The following TNFAIP6 variants were observed in gnomAD, a reference collection of about 807,000 sequenced individuals.
The protein encoded by TNFAIP6 is TNF alpha induced protein 6.
In TNFAIP6, 36 loss-of-function variants were observed where a neutral mutation model predicts 33.7. The ratio of observed to expected loss-of-function variants is 1.07; its 90% confidence interval spans 0.82 to 1.41. The LOEUF (loss-of-function observed/expected upper bound fraction) is 1.41. Ranked by LOEUF, TNFAIP6 falls within the 40% of genes most tolerant of loss-of-function variation. The pLI is 0.00. For missense variants in TNFAIP6, 273 were observed against 331.9 expected (o/e 0.82, Z 1.38); for synonymous variants, 113 against 112.8 (o/e 1.00, Z -0.01).
chr2:151,370,374 A>G (rs1684796006), intron 4 of TNFAIP6, 126 bp downstream of exon 4: 2 of 711,782 alleles, frequency 2.8e-6, no homozygotes, highest in Admixed American at 2.8e-5. Flanking sequence ...CTAAAGCACC[A>G]TATCATTTTT....
intron 1 of TNFAIP6, among the ~76,000 whole-genome samples, chr2:151,359,121 T>C (rs1416279503): frequency 6.6e-6 from 1 of 152,188 alleles, no homozygotes; most frequent in African/African-American, 2.4e-5. Flanking sequence ...CGTCTATTAA[T>C]GTATGCTACA....
chr2:151,379,462 C>A lies in TNFAIP6; in HGVS notation c.763C>A (p.Gln255Lys). 2 of 1,594,468 alleles carry A rather than the reference C, an allele frequency of 1.3e-6. No individual in the cohort carries two copies. Among genetic ancestry groups the A allele is most frequent in the Non-Finnish European group, 8.5e-7 (1 of 1,172,396 alleles). Reference sequence around the variant, plus strand: ...AATGGATCCTGTATCCAAATCCAGTCAAGGAAAAAATACAAGTACTACTTC... The same window carrying A: ...AATGGATCCTGTATCCAAATCCAGTAAAGGAAAAAATACAAGTACTACTTC... ...VAMDPVSKSS[Q>K]GKNTSTTSTG... Residue 255 changes from glutamine (Q) to lysine (K), a missense_variant, in exon 6 of 6, where the codon CAA (glutamine) becomes AAA (lysine). By Grantham distance (53) the Gln-to-Lys change is moderately conservative. Transcript: ENST00000243347.
chr2:151,378,956 C>T (rs1684967942), intron 5 of TNFAIP6, among the ~76,000 whole-genome samples: 1 of 151,816 alleles, frequency 6.6e-6, no homozygotes, highest in South Asian at 2.1e-4. Context: ...AAAAATCTGC[C>T]AGGTGTGGTG....
rs559960101 is a variant in TNFAIP6 at position 151,366,946 on chromosome 2, T to C, written c.394+729T>C. ...ACGTTCTTGGAGAAAAAGTAGGCTG[T>C]TCTTTTTGGGTATATTTCCACCAGG... On this transcript the variant is annotated intron_variant, in intron 3 of 5. Transcript: ENST00000243347. Among the ~76,000 whole-genome samples the C allele has an allele frequency of 2.0e-4, 31 of 152,272 alleles. 1 individual carries two copies. In the East Asian group the frequency reaches 6.0e-3, roughly 29 times the overall value.
At chr2:151,359,411 C>G (rs1446788708) in intron 1 of TNFAIP6, among the ~76,000 whole-genome samples, 1 of 119,074 alleles carries the variant, frequency 8.4e-6, no homozygotes, top group African/African-American at 3.3e-5. Flanking sequence ...TTTTTTGAGG[C>G]AGAGTCTCGC....
chr2:151,362,742 G>A (rs949977973), intron 1 of TNFAIP6, among the ~76,000 whole-genome samples: 4 of 151,820 alleles, frequency 2.6e-5, no homozygotes, highest in East Asian at 1.9e-4. Flanking sequence ...CGCCCGCCTC[G>A]GCCTCCCGAA....
chr2:151,360,514 A>G (rs772544277), intron 1 of TNFAIP6, among the ~76,000 whole-genome samples: 1 of 152,256 alleles, frequency 6.6e-6, no homozygotes, highest in African/African-American at 2.4e-5. Context: ...GTTTTAATAA[A>G]TGACTATTGA....
At chr2:151,361,753 G>C (rs1038890474) in intron 1 of TNFAIP6, among the ~76,000 whole-genome samples, 8 of 152,166 alleles carry the variant, frequency 5.3e-5, no homozygotes, top group African/African-American at 1.9e-4. Flanking sequence ...TTGAAAACTA[G>C]CAAAAGTTTA....
intron 4 of TNFAIP6, among the ~76,000 whole-genome samples, chr2:151,371,583 A>ATCTTTTTT (rs1443249584): frequency 1.6e-4 from 24 of 149,776 alleles, no homozygotes; most frequent in African/African-American, 5.9e-4. Flanking sequence ...TTCTTTCTAC[A>ATCTTTTTT]TCTTTTTTTC....
At chr2:151,360,398 C>T (rs952650893) in intron 1 of TNFAIP6, among the ~76,000 whole-genome samples, 2 of 152,198 alleles carry the variant, frequency 1.3e-5, no homozygotes, top group Non-Finnish European at 2.9e-5. Context: ...GAAACTGAGG[C>T]TCATCTGGTT....
intron 1 of TNFAIP6, among the ~76,000 whole-genome samples, chr2:151,362,584 G>A (rs1684644830): frequency 7.5e-6 from 1 of 133,298 alleles, no homozygotes; most frequent in African/African-American, 2.8e-5. Context: ...TCCGCCTCCC[G>A]GGTTCATGTC....
In TNFAIP6 at chr2:151,363,863, C is replaced by T. The variant is rs370261670; in HGVS notation, c.95-80C>T. ...TGGCAGGAACAATAGCTGTTGTAAT[C>T]TTCCAGCTGAGGCCACAGAATTTCC... On this transcript the variant is annotated intron_variant, in intron 1 of 5. Transcript: ENST00000243347. 16 of 1,537,908 alleles carry T rather than the reference C, an allele frequency of 1.0e-5. No homozygotes were observed. In the African/African-American group the frequency reaches 1.8e-4, roughly 17 times the overall value.
At chr2:151,376,886 GT>G (rs1330121030) in intron 5 of TNFAIP6, among the ~76,000 whole-genome samples, 47 of 53,420 alleles carry the variant, frequency 8.8e-4, no homozygotes, top group African/African-American at 3.2e-3. Flanking sequence ...TTTTTTTTTT[GT>G]TTTTTTTGAG....
chr2:151,363,616 C>A (rs183494456), intron 1 of TNFAIP6, among the ~76,000 whole-genome samples: 4 of 151,936 alleles, frequency 2.6e-5, no homozygotes, highest in East Asian at 1.9e-4. Flanking sequence ...GAGCTGAGAT[C>A]GCGCCACTGC....
rs1186283138 is a variant in TNFAIP6 at position 151,370,176 on chromosome 2, A to G, written c.551A>G (p.Asp184Gly). The G allele has an allele frequency of 1.2e-6, 2 of 1,614,026 alleles. No individual in the cohort carries two copies. Among genetic ancestry groups the G allele is most frequent in the African/African-American group, 1.3e-5 (1 of 74,938 alleles). Reference protein sequence around the residue: ...HLSFLDFDLEDDPGCLADYVE... With the variant: ...HLSFLDFDLEGDPGCLADYVE... Reference sequence around the variant, plus strand: ...AGTTTTTTAGATTTTGACCTTGAAGATGACCCAGGTTGCTTGGCTGATTAT... The same window carrying G: ...AGTTTTTTAGATTTTGACCTTGAAGGTGACCCAGGTTGCTTGGCTGATTAT... Residue 184 changes from aspartate to glycine, a missense_variant, in exon 4 of 6, where the codon GAT becomes GGT. By Grantham distance (94) the Asp-to-Gly change is moderately conservative. Coordinates refer to ENST00000243347, the MANE Select transcript of TNFAIP6 (RefSeq NM_007115.4).
In TNFAIP6 at chr2:151,379,463, A is replaced by G. The variant is rs764614306; in HGVS notation, c.764A>G (p.Gln255Arg). Residue 255 changes from glutamine to arginine, a missense_variant, in exon 6 of 6, where the codon CAA (glutamine) becomes CGA (arginine). By Grantham distance (43) the Gln-to-Arg change is conservative. Transcript: ENST00000243347. ...ATGGATCCTGTATCCAAATCCAGTCAAGGAAAAAATACAAGTACTACTTCT... is the reference window on the plus strand; with the variant it reads ...ATGGATCCTGTATCCAAATCCAGTCGAGGAAAAAATACAAGTACTACTTCT... The part of the protein sequence containing the change: ...VAMDPVSKSS[Q>R]GKNTSTTSTG... The G allele has an allele frequency of 2.5e-6, 4 of 1,608,600 alleles. No homozygotes were observed. Among genetic ancestry groups the G allele is most frequent in the Non-Finnish European group, 3.4e-6 (4 of 1,177,920 alleles).
intron 2 of TNFAIP6, among the ~76,000 whole-genome samples, chr2:151,364,591 G>A (rs1216967193): frequency 6.6e-6 from 1 of 152,152 alleles, no homozygotes; most frequent in Non-Finnish European, 1.5e-5. Context: ...GGACAGGAAG[G>A]TCGTGAGATA....
At chr2:151,374,193 A>G (rs1684863520) in intron 5 of TNFAIP6, among the ~76,000 whole-genome samples, 1 of 152,152 alleles carries the variant, frequency 6.6e-6, no homozygotes, top group Non-Finnish European at 1.5e-5. Flanking sequence ...GTAAATCTGA[A>G]AAGACCAGAT....
rs1288176027 is a variant in TNFAIP6 at position 151,366,112 on chromosome 2, G to C, written c.289G>C (p.Val97Leu). ...TAAGGGCAGAGTTGGATACCCCATTGTGAAGCCAGGGCCCAACTGTGGATT... is the reference window on the plus strand; with the variant it reads ...TAAGGGCAGAGTTGGATACCCCATTCTGAAGCCAGGGCCCAACTGTGGATT... ...MAKGRVGYPIVKPGPNCGFGK... is the reference protein window; with the variant it reads ...MAKGRVGYPILKPGPNCGFGK... Residue 97 changes from valine to leucine, a missense_variant, in exon 3 of 6, where the codon GTG becomes CTG. Coordinates refer to ENST00000243347, the MANE Select transcript of TNFAIP6 (RefSeq NM_007115.4). 1.2e-6 allele frequency: 2 copies of C among 1,614,014 alleles called. No individual in the cohort carries two copies. Among genetic ancestry groups the C allele is most frequent in the African/African-American group, 1.3e-5 (1 of 74,902 alleles).
Sources: gnomAD v4.1 joint callset for allele counts (sites outside exome capture counted in the v4.1 genomes callset) on GRCh38, gnomAD v4.1.1 for gene constraint, MANE v1.5 for transcripts, NCBI Gene and HGNC (gene_info 2026-07-23, HGNC 2026-07-21) for gene names.